ANO3: variants seen among roughly 807,000 people sequenced by gnomAD.
The protein encoded by ANO3 is anoctamin-3.
A neutral mutation model predicts 144.8 loss-of-function variants in ANO3; 99 were observed. The observed-to-expected ratio is 0.68, with a 90% CI of 0.58 to 0.81. The LOEUF (loss-of-function observed/expected upper bound fraction) is 0.81. ANO3 is among the 30% of genes least tolerant of loss of function. The pLI is 0.00. For missense variants in ANO3, 905 were observed against 1,202.2 expected (o/e 0.75, Z 3.66); for synonymous variants, 414 against 392.6 (o/e 1.05, Z -0.64).
At chr11:26,532,277 G>T (rs1006145839) in intron 8 of ANO3, among the ~76,000 whole-genome samples, 1 of 152,140 alleles carries the variant, frequency 6.6e-6, no homozygotes, top group African/African-American at 2.4e-5. Flanking sequence ...GTGGCAGAAG[G>T]AATAAAATTC....
At chr11:26,454,484 G>T (rs1859071975) in intron 3 of ANO3, among the ~76,000 whole-genome samples, 2 of 152,138 alleles carry the variant, frequency 1.3e-5, no homozygotes, top group Admixed American at 6.5e-5. Flanking sequence ...TAGAAGAAAT[G>T]GATAAATTCC....
At chr11:26,352,000 T>C (rs368132524) in intron 1 of ANO3, among the ~76,000 whole-genome samples, 2 of 152,106 alleles carry the variant, frequency 1.3e-5, no homozygotes, top group South Asian at 2.1e-4. Flanking sequence ...CCATACGAAA[T>C]AGAAATCCAG....
chr11:26,555,465 C>A (rs1011369902), intron 13 of ANO3, among the ~76,000 whole-genome samples: 5 of 152,180 alleles, frequency 3.3e-5, no homozygotes, highest in African/African-American at 1.2e-4. Flanking sequence ...GGAAACACTA[C>A]ATCTAGGTTG....
chr11:26,537,030 G>A (rs1037222445), intron 9 of ANO3, among the ~76,000 whole-genome samples: 11 of 149,764 alleles, frequency 7.3e-5, no homozygotes, highest in African/African-American at 2.5e-4. Context: ...TTTTGGTAGG[G>A]GACGGGGACT....
intron 1 of ANO3, among the ~76,000 whole-genome samples, chr11:26,209,272 G>A (rs917031719): frequency 2.0e-5 from 3 of 152,164 alleles, no homozygotes; most frequent in African/African-American, 7.2e-5. Context: ...GTGTTAGTTT[G>A]CTGAGAATGA....
rs144407823 is a variant in ANO3, at chr11:26,209,385, G to A, written c.154+20055G>A. 5.9e-3 allele frequency among the ~76,000 whole-genome samples: 904 copies of A among 152,234 alleles called. 8 individuals carry two copies. Among genetic ancestry groups the A allele is most frequent in the African/African-American group, 0.021 (870 of 41,526 alleles). On this transcript the variant is annotated intron_variant, in intron 1 of 27. Transcript: ENST00000672621. The stretch of plus-strand genomic sequence containing the variant: ...ATATGTGCCACATTTTCTTTATTCA[G>A]TCTATCACTGATGGACATTTGGGTT...
chr11:26,374,451 A>AT (rs1856348549), intron 1 of ANO3, among the ~76,000 whole-genome samples: 1 of 152,250 alleles, frequency 6.6e-6, no homozygotes, highest in South Asian at 2.1e-4. Context: ...TACTGGAATC[A>AT]TTTTTTTAAT....
At chr11:26,595,135 A>T (rs1851572212) in intron 14 of ANO3, among the ~76,000 whole-genome samples, 1 of 152,186 alleles carries the variant, frequency 6.6e-6, no homozygotes, top group South Asian at 2.1e-4. Flanking sequence ...GTTAATGCTT[A>T]TTCCTTTCCA....
chr11:26,529,355 TA>T (rs377184535), intron 7 of ANO3, among the ~76,000 whole-genome samples: 39 of 3,124 alleles, frequency 0.012, 18 homozygotes, highest in East Asian at 0.025. Context: ...TATTATATAA[TA>T]ATATATTATA....
intron 1 of ANO3, among the ~76,000 whole-genome samples, chr11:26,302,072 A>C (rs543345488): frequency 2.0e-5 from 3 of 152,380 alleles, no homozygotes; most frequent in African/African-American, 7.2e-5. Context: ...AGATTCAGCC[A>C]GTCTTCCAGT....
At chr11:26,344,247 A>AT (rs1178950496) in intron 1 of ANO3, among the ~76,000 whole-genome samples, 1 of 152,176 alleles carries the variant, frequency 6.6e-6, no homozygotes, top group East Asian at 1.9e-4. Context: ...TACTTTCACC[A>AT]TTTTTTATGC....
intron 17 of ANO3, among the ~76,000 whole-genome samples, chr11:26,617,466 A>G (rs958478443): frequency 4.6e-5 from 7 of 152,364 alleles, no homozygotes; most frequent in Middle Eastern, 3.4e-3. Flanking sequence ...GGAATTATAG[A>G]AGAATCTTTT....
chr11:26,293,474 T>C (rs1447927596), intron 1 of ANO3, among the ~76,000 whole-genome samples: 1 of 147,636 alleles, frequency 6.8e-6, no homozygotes, highest in Non-Finnish European at 1.5e-5. Flanking sequence ...TCTATGCTTC[T>C]GGAAATTTTG....
At chr11:26,511,846 T>C (rs1383165921) in intron 5 of ANO3, among the ~76,000 whole-genome samples, 1 of 152,184 alleles carries the variant, frequency 6.6e-6, no homozygotes, top group Non-Finnish European at 1.5e-5. Context: ...CACCACAGCA[T>C]AGATCAATTA....
At chr11:26,596,185 C>CTCTT (rs200430982) in intron 14 of ANO3, among the ~76,000 whole-genome samples, 2 of 116,300 alleles carry the variant, frequency 1.7e-5, no homozygotes, top group Non-Finnish European at 4.1e-5. Context: ...TTCTCTTTCT[C>CTCTT]TCTTTCTTCT....
chr11:26,217,389 G>A (rs1852055449), intron 1 of ANO3, among the ~76,000 whole-genome samples: 1 of 152,008 alleles, frequency 6.6e-6, no homozygotes, highest in Non-Finnish European at 1.5e-5. Context: ...GAACTTCAAG[G>A]AGTGTAAATG....
At chr11:26,578,386 C>T (rs1477723131) in intron 14 of ANO3, among the ~76,000 whole-genome samples, 1 of 152,088 alleles carries the variant, frequency 6.6e-6, no homozygotes, top group Non-Finnish European at 1.5e-5. Context: ...ACATAGGAGA[C>T]AAAGAGCTAT....
intron 9 of ANO3, among the ~76,000 whole-genome samples, chr11:26,536,761 TA>T (rs1415065470): frequency 2.6e-5 from 4 of 152,158 alleles, no homozygotes; most frequent in Non-Finnish European, 5.9e-5. Context: ...GATTGTGCTA[TA>T]AAAATTAAAT....
intron 1 of ANO3, among the ~76,000 whole-genome samples, chr11:26,224,512 C>A (rs1181873038): frequency 2.6e-5 from 4 of 152,260 alleles, no homozygotes; most frequent in African/African-American, 9.6e-5. Flanking sequence ...ACCACCTATA[C>A]ATGCCCCCTC....
Sources: allele counts gnomAD v4.1 joint callset (sites outside exome capture counted in the v4.1 genomes callset), GRCh38; gene constraint gnomAD v4.1.1; transcripts MANE v1.5; gene names NCBI Gene and HGNC (gene_info 2026-07-23, HGNC 2026-07-21).